The following VWA8 variants were observed in gnomAD, a reference collection of about 807,000 sequenced individuals.
The protein encoded by VWA8 is von Willebrand factor A domain-containing protein 8.
In VWA8, 221 loss-of-function variants were observed where a neutral mutation model predicts 241.5. The observed-to-expected ratio is 0.91, with a 90% CI of 0.82 to 1.02. VWA8 has a LOEUF of 1.02. VWA8 is among the 50% of genes least tolerant of loss of function. The probability of loss-of-function intolerance (pLI) is 0.00; values close to 1 mark genes in which losing one functional copy is unlikely to be tolerated. For synonymous variants in VWA8, 852 were observed against 827.1 expected (o/e 1.03, Z -0.52); for missense variants, 2,322 against 2,328.7 (o/e 1.00, Z 0.06).
intron 14 of VWA8, among the ~76,000 whole-genome samples, chr13:41,829,565 ACATG>A (rs1272565123): frequency 1.0e-4 from 13 of 128,360 alleles, no homozygotes; most frequent in African/African-American, 3.9e-4. Flanking sequence ...ACACACACAC[ACATG>A]CACACACACA....
At chr13:41,603,252 T>C (rs2044532967) in intron 40 of VWA8, among the ~76,000 whole-genome samples, 1 of 152,182 alleles carries the variant, frequency 6.6e-6, no homozygotes, top group Non-Finnish European at 1.5e-5. Flanking sequence ...TGTTTTCCGA[T>C]ACTGGTCTCA....
At chr13:41,585,303 G>A (rs567349273) in intron 42 of VWA8, among the ~76,000 whole-genome samples, 15 of 152,254 alleles carry the variant, frequency 9.9e-5, no homozygotes, top group African/African-American at 2.4e-4. Flanking sequence ...TGGAGGCATC[G>A]GAATGGCACC....
chr13:41,865,058 A>G (rs551528581), intron 12 of VWA8, among the ~76,000 whole-genome samples: 5 of 152,236 alleles, frequency 3.3e-5, no homozygotes, highest in Non-Finnish European at 4.4e-5. Flanking sequence ...ACCATTTAAA[A>G]AATAATCTAT....
intron 12 of VWA8, among the ~76,000 whole-genome samples, chr13:41,847,935 TAA>T (rs957672654): frequency 3.3e-5 from 5 of 152,310 alleles, no homozygotes; most frequent in South Asian, 2.1e-4. Flanking sequence ...AAAAACTCTA[TAA>T]AGTAAAACTC....
chr13:41,899,096 C>G (rs1434574748), intron 4 of VWA8, among the ~76,000 whole-genome samples: 2 of 152,220 alleles, frequency 1.3e-5, no homozygotes, highest in African/African-American at 4.8e-5. Context: ...GAGGAGGTGC[C>G]GAGAGCAAGC....
chr13:41,860,121 T>C (rs971049809), intron 12 of VWA8, among the ~76,000 whole-genome samples: 1 of 152,208 alleles, frequency 6.6e-6, no homozygotes, highest in Non-Finnish European at 1.5e-5. Flanking sequence ...AGAAGCTATA[T>C]AGCAAAAGAA....
chr13:41,902,959 C>T (rs1288754724), intron 4 of VWA8, among the ~76,000 whole-genome samples: 1 of 152,170 alleles, frequency 6.6e-6, no homozygotes, highest in Non-Finnish European at 1.5e-5. Flanking sequence ...GGTACTTTTT[C>T]ACCTATATTG....
At chr13:41,660,872 T>C (rs1343026569) in intron 37 of VWA8, among the ~76,000 whole-genome samples, 3 of 151,780 alleles carry the variant, frequency 2.0e-5, no homozygotes, top group Non-Finnish European at 4.4e-5. Flanking sequence ...CTCTGAGAAT[T>C]GGGTTTCTTT....
chr13:41,601,579 A>C (rs906913201), intron 40 of VWA8, among the ~76,000 whole-genome samples: 1 of 152,148 alleles, frequency 6.6e-6, no homozygotes, highest in Admixed American at 6.6e-5. Flanking sequence ...TTTTGTAAGA[A>C]TGGATGTTTT....
chr13:41,887,261 T>G lies in VWA8; in HGVS notation c.752A>C (p.Asn251Thr), dbSNP rs1164373092. 1.2e-6 allele frequency: 2 copies of G among 1,613,710 alleles called. No homozygotes were observed. The highest frequency in any genetic ancestry group is 2.7e-5 in the African/African-American group (2 of 74,898). Residue 251 changes from asparagine (N) to threonine (T), a missense_variant, in exon 6 of 45, where the codon AAT becomes ACT. Transcript: ENST00000379310. Reference sequence around the variant, plus strand: ...AGAACGAAGAGGGGGGTCTAATGGATTCCCAGAATACCTTGGCACTGGCAA... The same window carrying G: ...AGAACGAAGAGGGGGGTCTAATGGAGTCCCAGAATACCTTGGCACTGGCAA... ...LGLPVPRYSG[N>T]PLDPPLRSRF...
At chr13:41,901,639 A>G (rs1875429874) in intron 4 of VWA8, among the ~76,000 whole-genome samples, 1 of 151,882 alleles carries the variant, frequency 6.6e-6, no homozygotes. Context: ...AGGCCGAGGT[A>G]TGCGGATCAC....
At chr13:41,816,112 CA>C (rs1870678355) in intron 16 of VWA8, among the ~76,000 whole-genome samples, 2 of 152,144 alleles carry the variant, frequency 1.3e-5, no homozygotes, top group Non-Finnish European at 1.5e-5. Flanking sequence ...TCGGTGTATC[CA>C]GGGGGAAAGT....
chr13:41,670,987 C>A lies in VWA8; in HGVS notation c.4570G>T (p.Glu1524Ter). ...TCTTGTCCAATCATGTTTCTCCATTCCATGAGTGATCGCTGCAGACGTTCA... is the reference window on the plus strand; with the variant it reads ...TCTTGTCCAATCATGTTTCTCCATTACATGAGTGATCGCTGCAGACGTTCA... The part of the protein sequence containing the change: ...GLERLQRSLM[E>*]WRNMIGQDDR... Residue 1524 changes from glutamate (E) to a stop codon, truncating the protein, a stop_gained, in exon 37 of 45, where the codon GAA (glutamate) becomes TAA (stop). Transcript: ENST00000379310. LOFTEE classifies it high-confidence loss of function. The A allele has an allele frequency of 6.2e-7, 1 of 1,613,894 alleles. No homozygotes were observed. Among genetic ancestry groups the A allele is most frequent in the Non-Finnish European group, 8.5e-7 (1 of 1,179,868 alleles).
chr13:41,621,773 G>A (rs112464211), intron 37 of VWA8, among the ~76,000 whole-genome samples: 4,468 of 152,136 alleles, frequency 0.029, 120 homozygotes, highest in East Asian at 0.1. Context: ...TCAAAATTAC[G>A]CTGTTGAAGT....
intron 39 of VWA8, among the ~76,000 whole-genome samples, chr13:41,608,906 G>C (rs569239168): frequency 7.9e-5 from 12 of 152,180 alleles, no homozygotes; most frequent in Non-Finnish European, 1.2e-4. Flanking sequence ...TCAAAATGCT[G>C]TGTTGATGAT....
chr13:41,938,312 G>A (rs974085620), intron 2 of VWA8, among the ~76,000 whole-genome samples: 4 of 152,064 alleles, frequency 2.6e-5, no homozygotes, highest in African/African-American at 9.7e-5. Flanking sequence ...CACGTTCAAG[G>A]GCTTTAAACG....
chr13:41,865,314 C>T (rs1235594303), intron 12 of VWA8: 1 of 389,578 alleles, frequency 2.6e-6, no homozygotes, highest in Non-Finnish European at 5.0e-6. Flanking sequence ...TTTCTTTATG[C>T]TGGAACATTT....
intron 37 of VWA8, among the ~76,000 whole-genome samples, chr13:41,648,622 T>G (rs993516030): frequency 2.0e-5 from 3 of 152,238 alleles, no homozygotes; most frequent in African/African-American, 7.2e-5. Flanking sequence ...TGCTTGAAGC[T>G]ACTTTTGACG....
chr13:41,645,499 C>T (rs2044825243), intron 37 of VWA8, among the ~76,000 whole-genome samples: 1 of 152,268 alleles, frequency 6.6e-6, no homozygotes, highest in Non-Finnish European at 1.5e-5. Flanking sequence ...CTGATGTTTC[C>T]TAACTCACTC....
Sources: allele counts gnomAD v4.1 joint callset (sites outside exome capture counted in the v4.1 genomes callset), GRCh38; gene constraint gnomAD v4.1.1; transcripts MANE v1.5; gene names NCBI Gene and HGNC (gene_info 2026-07-23, HGNC 2026-07-21).